WDR19: variants seen among roughly 807,000 people sequenced by gnomAD.
The protein encoded by WDR19 is WD repeat-containing protein 19.
Under a neutral mutation model 180.0 loss-of-function variants are expected in WDR19, and 121 were observed. The ratio of observed to expected loss-of-function variants is 0.67; its 90% CI spans 0.58 to 0.78. WDR19 has a LOEUF of 0.78. Among genes scored for constraint, WDR19 ranks in the 30% least tolerant of loss-of-function variants. The pLI is 0.00. For synonymous variants in WDR19, 497 were observed against 540.7 expected, an observed-to-expected ratio of 0.92 and a Z score of 1.12; for missense variants, 1,450 against 1,640.7, an observed-to-expected ratio of 0.88 and a Z score of 2.01.
rs1022800611 is a variant in WDR19, at chr4:39,275,064, G to A, written c.3716+106G>A. On this transcript the variant is annotated intron_variant, in intron 33 of 36. Coordinates refer to ENST00000399820, the MANE Select transcript of WDR19 (RefSeq NM_025132.4). ...CAATAAGAAAACGGTGGGGGGCCAG[G>A]TGCAGTGGCTCACACCTATAATCCC... is the stretch of plus-strand genomic sequence containing the variant. 7.2e-6 allele frequency: 10 copies of A among 1,386,516 alleles called. No individual in the cohort carries two copies. The African/African-American group carries it at 1.0e-4, about 14-fold the overall frequency. 85.9% of individuals were successfully genotyped at this position (1,386,516 alleles called of 1,614,324 possible).
At chr4:39,196,689 G>A (rs1284004467) in intron 5 of WDR19, among the ~76,000 whole-genome samples, 1 of 152,178 alleles carries the variant, frequency 6.6e-6, no homozygotes, top group Non-Finnish European at 1.5e-5. Flanking sequence ...AGGCCAGAAT[G>A]AGCCCTCTGC....
chr4:39,267,594 A>G (rs1384843236), intron 29 of WDR19, among the ~76,000 whole-genome samples: 4 of 152,262 alleles, frequency 2.6e-5, no homozygotes, highest in East Asian at 1.9e-4. Context: ...CAAAGTTCAT[A>G]TATCATGTAA....
intron 36 of WDR19, among the ~76,000 whole-genome samples, chr4:39,282,687 C>T (rs760024610): frequency 4.1e-4 from 62 of 152,162 alleles, no homozygotes; most frequent in Non-Finnish European, 7.6e-4. Context: ...TGTGAGCCAC[C>T]GTGCCCGGCC....
At chr4:39,272,926 G>T in intron 31 of WDR19, 54 bp from the exon 32 acceptor site, 1 of 1,417,286 alleles carries the variant, frequency 7.1e-7, no homozygotes, top group South Asian at 1.3e-5. Flanking sequence ...AACAAAGCAT[G>T]AATTGGGGCT....
At chr4:39,281,270 A>G (rs1348934062) in intron 36 of WDR19, among the ~76,000 whole-genome samples, 2 of 124,304 alleles carry the variant, frequency 1.6e-5, no homozygotes, top group African/African-American at 3.4e-5. Context: ...GAGAAAGCCT[A>G]CTAACAAGTC....
chr4:39,221,043 A>G (rs1445459179), intron 14 of WDR19, among the ~76,000 whole-genome samples: 1 of 151,820 alleles, frequency 6.6e-6, no homozygotes, highest in African/African-American at 2.4e-5. Context: ...TTTTTAAAAG[A>G]ACATGTTTTA....
intron 14 of WDR19, among the ~76,000 whole-genome samples, chr4:39,220,186 C>T (rs1195324264): frequency 1.3e-5 from 2 of 152,158 alleles, no homozygotes; most frequent in African/African-American, 4.8e-5. Context: ...CGCCACTACA[C>T]TCCAGCCTGG....
At chr4:39,250,811 G>T (rs1444044481) in intron 24 of WDR19, among the ~76,000 whole-genome samples, 1 of 152,156 alleles carries the variant, frequency 6.6e-6, no homozygotes, top group Non-Finnish European at 1.5e-5. Context: ...GGATGTGAAG[G>T]ACCTCTTCAA....
At chr4:39,202,124 T>C (rs1032730645) in intron 6 of WDR19, among the ~76,000 whole-genome samples, 1 of 152,208 alleles carries the variant, frequency 6.6e-6, no homozygotes, top group Admixed American at 6.5e-5. Flanking sequence ...CCCTTTCTAT[T>C]CTGTTTTTCA....
chr4:39,277,128 A>G lies in WDR19; in HGVS notation c.3825A>G (p.Pro1275=). Reference sequence around the variant, plus strand: ...GTCCTGGATGTAAAAACAGTATCCCATATTGCATTGCAACAGTGAGTTCCT... The same window carrying G: ...GTCCTGGATGTAAAAACAGTATCCCGTATTGCATTGCAACAGTGAGTTCCT... The part of the protein sequence containing the change: ...LLCPGCKNSI[P]YCIATGRHML... Residue 1275 remains proline, a synonymous_variant, in exon 34 of 37, where the codon CCA becomes CCG. Transcript: ENST00000399820. The G allele has an allele frequency of 6.2e-7, 1 of 1,609,740 alleles. No individual in the cohort carries two copies. Among genetic ancestry groups the G allele is most frequent in the Non-Finnish European group, 8.5e-7 (1 of 1,178,416 alleles).
At chr4:39,270,877 T>G (rs953811093) in intron 31 of WDR19, among the ~76,000 whole-genome samples, 2 of 147,550 alleles carry the variant, frequency 1.4e-5, no homozygotes, top group Non-Finnish European at 3.0e-5. Context: ...TAAGAAAGTT[T>G]AAAAAATATA....
intron 10 of WDR19, 40 bp from the exon 11 acceptor site, chr4:39,215,801 A>C (rs770904979): frequency 6.4e-7 from 1 of 1,559,966 alleles, no homozygotes; most frequent in African/African-American, 1.4e-5. Flanking sequence ...GCAACTATAT[A>C]TTGTTTTTGA....
At chr4:39,211,877 T>C (rs1728544713) in intron 9 of WDR19, among the ~76,000 whole-genome samples, 2 of 151,292 alleles carry the variant, frequency 1.3e-5, no homozygotes, top group Non-Finnish European at 2.9e-5. Context: ...TATATCAAAA[T>C]CCCAGCATGC....
chr4:39,191,422 T>G (rs1726138533), intron 4 of WDR19, among the ~76,000 whole-genome samples: 1 of 152,216 alleles, frequency 6.6e-6, no homozygotes, highest in South Asian at 2.1e-4. Flanking sequence ...TTTGAGCACT[T>G]CAAACACCTG....
At chr4:39,261,376 A>G (rs962157085) in intron 28 of WDR19, among the ~76,000 whole-genome samples, 5 of 152,144 alleles carry the variant, frequency 3.3e-5, no homozygotes, top group Non-Finnish European at 7.3e-5. Flanking sequence ...TTTCCCATCA[A>G]CTTTTCACCT....
At chr4:39,267,906 G>A in intron 29 of WDR19, 89 bp from the exon 30 acceptor site, 1 of 1,164,092 alleles carries the variant, frequency 8.6e-7, no homozygotes. Context: ...GTTACTGGCA[G>A]ATGAATGTGA....
chr4:39,188,249 C>T (rs530465862), intron 3 of WDR19, among the ~76,000 whole-genome samples: 1 of 151,798 alleles, frequency 6.6e-6, no homozygotes, highest in East Asian at 1.9e-4. Flanking sequence ...TGAAAAATAA[C>T]ATCAGAAAAG....
intron 33 of WDR19, among the ~76,000 whole-genome samples, chr4:39,276,634 T>A (rs889503024): frequency 2.6e-5 from 4 of 152,208 alleles, no homozygotes; most frequent in Admixed American, 2.0e-4. Flanking sequence ...GACAGTTCTA[T>A]TGGACGGTGC....
chr4:39,224,867 T>A lies in WDR19; in HGVS notation c.1480-17T>A. 1.1e-5 allele frequency: 2 copies of A among 174,202 alleles called. No individual in the cohort carries two copies. The highest frequency in any genetic ancestry group is 2.3e-5 in the Non-Finnish European group (2 of 87,300). 10.8% of individuals were successfully genotyped at this position (174,202 alleles called of 1,614,324 possible). On this transcript the variant is annotated splice_polypyrimidine_tract_variant and intron_variant, in intron 14 of 36. Transcript: ENST00000399820. ...TACCTTTTATATTTTCATGGCTGGATTTTTTTTTTTTTTTAGACTGGTGTC... is the reference window on the plus strand; with the variant it reads ...TACCTTTTATATTTTCATGGCTGGAATTTTTTTTTTTTTTAGACTGGTGTC...
Sources: gnomAD v4.1 joint callset for allele counts (sites outside exome capture counted in the v4.1 genomes callset) on GRCh38, gnomAD v4.1.1 for gene constraint, MANE v1.5 for transcripts, NCBI Gene and HGNC (gene_info 2026-07-23, HGNC 2026-07-21) for gene names.